Variants in GALNT1 observed in about 807,000 individuals in gnomAD.
The protein encoded by GALNT1 is polypeptide N-acetylgalactosaminyltransferase 1, also known as GalNAc transferase 1.
Under a neutral mutation model 65.7 loss-of-function variants are expected in GALNT1, and 17 were observed. The observed-to-expected ratio is 0.26, with a 90% CI of 0.18 to 0.39. The LOEUF (loss-of-function observed/expected upper bound fraction) is 0.39. GALNT1 is among the 10% of genes least tolerant of loss of function. The pLI, the probability that GALNT1 is intolerant of heterozygous loss-of-function variation, is 1.00. For missense variants in GALNT1, 460 were observed against 672.8 expected (o/e 0.68, Z 3.50); for synonymous variants, 210 against 219.7 (o/e 0.96, Z 0.39).
intron 5 of GALNT1, among the ~76,000 whole-genome samples, chr18:35,685,524 AATG>A (rs1235712345): frequency 1.3e-5 from 2 of 151,582 alleles, no homozygotes; most frequent in Admixed American, 6.6e-5. Context: ...AAATCATGTT[AATG>A]GAGAAATGTT....
At chr18:35,599,615 G>C (rs926259002) in intron 1 of GALNT1, among the ~76,000 whole-genome samples, 1 of 152,018 alleles carries the variant, frequency 6.6e-6, no homozygotes, top group Admixed American at 6.6e-5. Flanking sequence ...TGCCCGCCTT[G>C]GTCTCCCAAA....
intron 1 of GALNT1, among the ~76,000 whole-genome samples, chr18:35,624,929 T>C (rs573791447): frequency 2.0e-5 from 3 of 152,340 alleles, no homozygotes; most frequent in East Asian, 1.9e-4. Context: ...GATGATGTAG[T>C]AATAACATTA....
chr18:35,584,103 G>A (rs2046353861), intron 1 of GALNT1, among the ~76,000 whole-genome samples: 1 of 152,092 alleles, frequency 6.6e-6, no homozygotes, highest in Non-Finnish European at 1.5e-5. Context: ...TATTTGGTTT[G>A]TGATAGTTTC....
rs369403232 is a variant in GALNT1 at position 35,587,246 on chromosome 18, T to C, written c.-104+5384T>C. Among the ~76,000 whole-genome samples, 21 of 152,366 alleles carry C rather than the reference T, an allele frequency of 1.4e-4. No homozygotes were observed. The South Asian group carries it at 3.5e-3, about 26-fold the overall frequency. On this transcript the variant is annotated intron_variant, in intron 1 of 11. Transcript: ENST00000269195. Reference sequence around the variant, plus strand: ...ACCTACTTATTAGTTCTAGGAGTTCTTCTGGAGATTCCTTGGGATTTTCTA... The same window carrying C: ...ACCTACTTATTAGTTCTAGGAGTTCCTCTGGAGATTCCTTGGGATTTTCTA...
rs544281912 is a variant in GALNT1, at chr18:35,658,360, A to C, written c.139+3559A>C. Among the ~76,000 whole-genome samples the C allele has an allele frequency of 3.1e-3, 477 of 152,206 alleles. 3 individuals are homozygous for C. Among genetic ancestry groups the C allele is most frequent in the African/African-American group, 0.011 (449 of 41,480 alleles). On this transcript the variant is annotated intron_variant, in intron 2 of 11. Coordinates refer to ENST00000269195, the MANE Select transcript of GALNT1 (RefSeq NM_020474.4). ...GAGAAGGACCTCCAAGCGTGAGGGAAGGGCTGAGCCGTAGGCTGGAGGGGA... is the reference window on the plus strand; with the variant it reads ...GAGAAGGACCTCCAAGCGTGAGGGACGGGCTGAGCCGTAGGCTGGAGGGGA...
chr18:35,649,360 C>T (rs1202577590), intron 1 of GALNT1, among the ~76,000 whole-genome samples: 1 of 152,166 alleles, frequency 6.6e-6, no homozygotes, highest in East Asian at 1.9e-4. Flanking sequence ...GGTAAAGTGA[C>T]AATTCAGACC....
intron 1 of GALNT1, among the ~76,000 whole-genome samples, chr18:35,608,220 T>C (rs1459033827): frequency 6.6e-6 from 1 of 152,204 alleles, no homozygotes; most frequent in Non-Finnish European, 1.5e-5. Context: ...TCTGCTATTA[T>C]AAAAGGATGT....
rs78866097 is a variant in GALNT1, at chr18:35,621,692, A to G, written c.-103-32868A>G. Among the ~76,000 whole-genome samples the G allele has an allele frequency of 8.8e-3, 1,336 of 152,318 alleles. 21 individuals are homozygous for G. Among genetic ancestry groups the G allele is most frequent in the East Asian group, 0.047 (242 of 5,190 alleles). On this transcript the variant is annotated intron_variant, in intron 1 of 11. Transcript: ENST00000269195. ...GTGCTTTTTGAATATTGCTTAAGCA[A>G]TTCTTCCTGATCTAATGACGTGACA...
chr18:35,691,260 A>G (rs2047957724), intron 8 of GALNT1, 68 bp downstream of exon 8: 5 of 1,412,632 alleles, frequency 3.5e-6, no homozygotes, highest in Non-Finnish European at 4.8e-6. Flanking sequence ...GAGGAGAAGT[A>G]AGAAGGTTAG....
In GALNT1 at chr18:35,689,649, C is replaced by A. The variant is rs2047924852; in HGVS notation, c.978+359C>A. Among the ~76,000 whole-genome samples the A allele has an allele frequency of 3.4e-5, 5 of 147,746 alleles. No individual in the cohort carries two copies. In the South Asian group the frequency reaches 1.0e-3, roughly 31 times the overall value. ...AAATTTCACATTTAAACATAAATTT[C>A]ACATTTTGTAATATGCTTTTTATTT... On this transcript the variant is annotated intron_variant, in intron 7 of 11. Transcript: ENST00000269195.
At chr18:35,598,750 A>G (rs1308897988) in intron 1 of GALNT1, among the ~76,000 whole-genome samples, 1 of 152,138 alleles carries the variant, frequency 6.6e-6, no homozygotes, top group Non-Finnish European at 1.5e-5. Flanking sequence ...TATACCCAGC[A>G]TTGGGGTTGC....
intron 2 of GALNT1, among the ~76,000 whole-genome samples, chr18:35,655,395 G>C (rs1046814988): frequency 6.6e-6 from 1 of 151,224 alleles, no homozygotes; most frequent in African/African-American, 2.4e-5. Context: ...ATATAAAGGA[G>C]GGAGGTAATA....
intron 1 of GALNT1, among the ~76,000 whole-genome samples, chr18:35,612,593 G>A (rs762026432): frequency 3.3e-5 from 5 of 152,120 alleles, no homozygotes; most frequent in Admixed American, 6.5e-5. Flanking sequence ...TAGGCCGGGC[G>A]TGGTGCTCAC....
At position 35,692,176 on chromosome 18, in the gene GALNT1, A is replaced by G; in HGVS notation, c.1160-5A>G. 1 of 1,603,176 alleles carries G rather than the reference A, an allele frequency of 6.2e-7. No homozygotes were observed. The highest frequency in any genetic ancestry group is 8.5e-7 in the Non-Finnish European group (1 of 1,175,018). ...TAATTCAGAGTCAATTATTTCTTTC[A>G]ACAGGTGTTACAAAGGTAGATTATG... is the stretch of plus-strand genomic sequence containing the variant. On this transcript the variant is annotated splice_polypyrimidine_tract_variant and splice_region_variant and intron_variant, in intron 8 of 11. Coordinates refer to ENST00000269195, the MANE Select transcript of GALNT1 (RefSeq NM_020474.4).
intron 3 of GALNT1, among the ~76,000 whole-genome samples, chr18:35,675,999 T>C (rs1459203083): frequency 2.0e-5 from 3 of 152,222 alleles, no homozygotes; most frequent in Non-Finnish European, 4.4e-5. Flanking sequence ...CCACCATTTA[T>C]AACAGAGTTT....
At chr18:35,591,693 G>C (rs1412622794) in intron 1 of GALNT1, 3 of 154,406 alleles carry the variant, frequency 1.9e-5, no homozygotes, top group Non-Finnish European at 4.4e-5. Flanking sequence ...GAAGGATTTT[G>C]ACGAGGGCAT....
chr18:35,644,899 G>T (rs922743285), intron 1 of GALNT1, among the ~76,000 whole-genome samples: 2 of 152,104 alleles, frequency 1.3e-5, no homozygotes, highest in African/African-American at 4.8e-5. Flanking sequence ...GCTAAGGCAG[G>T]ATAATTGCTT....
rs577704828 is a variant in GALNT1, at chr18:35,629,464, A to C, written c.-103-25096A>C. Among the ~76,000 whole-genome samples, 5 of 152,310 alleles carry C rather than the reference A, an allele frequency of 3.3e-5. No homozygotes were observed. In the South Asian group the frequency reaches 1.0e-3, roughly 32 times the overall value. On this transcript the variant is annotated intron_variant, in intron 1 of 11. Transcript: ENST00000269195. ...AACCCAGAATTTCATATCCAGCCAA[A>C]CTAAGCTTCACAGTGAAGGAGAAAT...
intron 1 of GALNT1, among the ~76,000 whole-genome samples, chr18:35,642,756 C>A (rs1439934201): frequency 1.3e-5 from 2 of 152,108 alleles, no homozygotes; most frequent in South Asian, 2.1e-4. Flanking sequence ...CCCCCTCTTC[C>A]CTGGTTCCCC....
Sources: gnomAD v4.1 joint callset for allele counts (sites outside exome capture counted in the v4.1 genomes callset) on GRCh38, gnomAD v4.1.1 for gene constraint, MANE v1.5 for transcripts, NCBI Gene and HGNC (gene_info 2026-07-23, HGNC 2026-07-21) for gene names.